Variants in SLC24A3 observed in about 807,000 individuals in gnomAD.
SLC24A3 encodes sodium/potassium/calcium exchanger 3.
SLC24A3 carries 28 observed loss-of-function variants against 75.8 expected under a neutral mutation model. That is an observed-to-expected ratio of 0.37 (90% CI 0.27 to 0.51). SLC24A3 has a LOEUF of 0.51. SLC24A3 is among the 20% of genes least tolerant of loss of function. SLC24A3 has a pLI of 0.94. For synonymous variants in SLC24A3, 372 were observed against 334.1 expected (o/e 1.11, Z -1.24); for missense variants, 663 against 847.8 (o/e 0.78, Z 2.71).
intron 6 of SLC24A3, among the ~76,000 whole-genome samples, chr20:19,610,929 C>G (rs1015799251): frequency 5.3e-5 from 8 of 152,194 alleles, no homozygotes; most frequent in African/African-American, 1.9e-4. Flanking sequence ...GAAGTCCAGC[C>G]CCCATGCATG....
At chr20:19,491,451 C>T (rs1568633243) in intron 2 of SLC24A3, among the ~76,000 whole-genome samples, 2 of 152,164 alleles carry the variant, frequency 1.3e-5, no homozygotes, top group Non-Finnish European at 2.9e-5. Context: ...CTTCCATGCC[C>T]CTTAGCACAA....
chr20:19,415,509 T>TA (rs1393543052), intron 2 of SLC24A3, among the ~76,000 whole-genome samples: 1 of 152,180 alleles, frequency 6.6e-6, no homozygotes, highest in Non-Finnish European at 1.5e-5. Context: ...AAAGAAACCC[T>TA]AAGTAAGTAT....
chr20:19,590,939 T>C (rs945777470), intron 6 of SLC24A3, among the ~76,000 whole-genome samples: 4 of 152,152 alleles, frequency 2.6e-5, no homozygotes, highest in Non-Finnish European at 5.9e-5. Context: ...CCAGGAAAGG[T>C]AGACAGTCCT....
intron 3 of SLC24A3, among the ~76,000 whole-genome samples, chr20:19,526,264 A>G (rs1297922010): frequency 1.3e-5 from 2 of 152,080 alleles, no homozygotes; most frequent in African/African-American, 4.8e-5. Context: ...CCCTCCCACC[A>G]CTTCCCAGGA....
intron 4 of SLC24A3, among the ~76,000 whole-genome samples, chr20:19,584,478 A>T (rs1427849357): frequency 6.6e-6 from 1 of 152,196 alleles, no homozygotes; most frequent in Non-Finnish European, 1.5e-5. Flanking sequence ...TTTGCATAAA[A>T]GGTTGGATTA....
At chr20:19,716,895 A>T (rs1331685137) in intron 15 of SLC24A3, among the ~76,000 whole-genome samples, 1 of 152,118 alleles carries the variant, frequency 6.6e-6, no homozygotes. Context: ...AGGAACTCCA[A>T]ATATGCTTCT....
At chr20:19,381,793 A>T (rs1222044862) in intron 2 of SLC24A3, among the ~76,000 whole-genome samples, 3 of 152,334 alleles carry the variant, frequency 2.0e-5, no homozygotes, top group African/African-American at 7.2e-5. Context: ...TTGAGATTTT[A>T]AGCAAGGTGT....
intron 2 of SLC24A3, among the ~76,000 whole-genome samples, chr20:19,455,150 C>T (rs1987557007): frequency 2.0e-5 from 3 of 152,262 alleles, no homozygotes; most frequent in African/African-American, 2.4e-5. Context: ...GCACCATGCT[C>T]GGAGGAGGAG....
chr20:19,239,174 T>C (rs1031009054), intron 1 of SLC24A3, among the ~76,000 whole-genome samples: 19 of 150,742 alleles, frequency 1.3e-4, no homozygotes, highest in South Asian at 6.4e-4. Context: ...CCAAAATTAC[T>C]GTGTCTTGGG....
At chr20:19,676,605 C>T (rs2032526806) in intron 9 of SLC24A3, among the ~76,000 whole-genome samples, 1 of 152,144 alleles carries the variant, frequency 6.6e-6, no homozygotes, top group African/African-American at 2.4e-5. Context: ...AAATATAAAA[C>T]AGCAACAGTA....
At chr20:19,680,108 GTGTC>G (rs1568695738) in intron 9 of SLC24A3, among the ~76,000 whole-genome samples, 2 of 134,212 alleles carry the variant, frequency 1.5e-5, no homozygotes, top group African/African-American at 3.1e-5. Flanking sequence ...GTGCGAGTGT[GTGTC>G]TGTGTCTGTG....
At chr20:19,631,818 G>C (rs1446565478) in intron 6 of SLC24A3, among the ~76,000 whole-genome samples, 1 of 151,748 alleles carries the variant, frequency 6.6e-6, no homozygotes, top group African/African-American at 2.4e-5. Context: ...GTGTGTGTGT[G>C]TGTGTATGTA....
At chr20:19,525,837 G>T (rs117168452) in intron 3 of SLC24A3, among the ~76,000 whole-genome samples, 1 of 152,106 alleles carries the variant, frequency 6.6e-6, no homozygotes, top group Non-Finnish European at 1.5e-5. Flanking sequence ...CAGACTCCCC[G>T]TGAGTCTTCT....
chr20:19,650,835 C>A (rs2032194471), intron 6 of SLC24A3, among the ~76,000 whole-genome samples: 1 of 152,088 alleles, frequency 6.6e-6, no homozygotes, highest in African/African-American at 2.4e-5. Flanking sequence ...TGTTTGCTTG[C>A]TTAGTTTTCT....
intron 3 of SLC24A3, among the ~76,000 whole-genome samples, chr20:19,578,598 G>T (rs1055888390): frequency 3.3e-5 from 5 of 152,002 alleles, no homozygotes; most frequent in African/African-American, 1.2e-4. Flanking sequence ...ACTGGGTCAT[G>T]TGTGTGCGCC....
chr20:19,475,478 G>GA (rs1300195018), intron 2 of SLC24A3, among the ~76,000 whole-genome samples: 1 of 152,126 alleles, frequency 6.6e-6, no homozygotes, highest in South Asian at 2.1e-4. Flanking sequence ...GATAGACCTA[G>GA]AAAATCATGA....
intron 2 of SLC24A3, among the ~76,000 whole-genome samples, chr20:19,465,901 G>T (rs528941528): frequency 6.6e-6 from 1 of 152,302 alleles, no homozygotes; most frequent in African/African-American, 2.4e-5. Context: ...CAGAATCTCT[G>T]CATGCAGCCT....
At chr20:19,247,415 TC>T (rs1157292117) in intron 1 of SLC24A3, among the ~76,000 whole-genome samples, 1 of 152,234 alleles carries the variant, frequency 6.6e-6, no homozygotes, top group Non-Finnish European at 1.5e-5. Flanking sequence ...TGAAATGTCT[TC>T]CACTCTTTTT....
At chr20:19,622,167 G>A (rs2031812211) in intron 6 of SLC24A3, among the ~76,000 whole-genome samples, 1 of 152,178 alleles carries the variant, frequency 6.6e-6, no homozygotes, top group Admixed American at 6.5e-5. Flanking sequence ...GAACTTGAAA[G>A]GAGACTGGGG....
Sources: gnomAD v4.1 joint callset for allele counts (sites outside exome capture counted in the v4.1 genomes callset) on GRCh38, gnomAD v4.1.1 for gene constraint, MANE v1.5 for transcripts, NCBI Gene and HGNC (gene_info 2026-07-23, HGNC 2026-07-21) for gene names.